PARVG: variants seen among roughly 807,000 people sequenced by gnomAD.
PARVG encodes parvin gamma.
PARVG carries 36 observed loss-of-function variants against 44.4 expected under a neutral mutation model. That is an observed-to-expected ratio of 0.81 (90% CI 0.62 to 1.07). PARVG has a LOEUF of 1.07. Among genes scored for constraint, PARVG ranks in the 50% least tolerant of loss-of-function variants. The probability of loss-of-function intolerance (pLI) is 0.00; values close to 1 mark genes in which losing one functional copy is unlikely to be tolerated. For synonymous variants in PARVG, 170 were observed against 174.1 expected (o/e 0.98, Z 0.19); for missense variants, 407 against 407.4 (o/e 1.00, Z 0.01).
At chr22:44,196,053 TG>T in intron 9 of PARVG, 101 bp from the exon 10 acceptor site, 1 of 1,270,610 alleles carries the variant, frequency 7.9e-7, no homozygotes. Context: ...CAGCTCCCTC[TG>T]GACTGGTTAT....
intron 4 of PARVG, chr22:44,186,445 C>T: frequency 2.4e-6 from 1 of 414,178 alleles, no homozygotes; most frequent in Non-Finnish European, 5.0e-6. Flanking sequence ...CTCCACATGG[C>T]CTCTCTGTTG....
At chr22:44,177,331 C>T (rs1343067949), upstream of PARVG, among the ~76,000 whole-genome samples, 6 of 152,194 alleles carry the variant, frequency 3.9e-5, 1 homozygote, top group Admixed American at 3.3e-4. Flanking sequence ...CATTCTCTTC[C>T]ATAATCTCAG....
intron 4 of PARVG, 86 bp downstream of exon 4, chr22:44,185,958 G>A: frequency 7.4e-7 from 1 of 1,358,686 alleles, no homozygotes; most frequent in Non-Finnish European, 1.0e-6. Flanking sequence ...ACAGCAGGCT[G>A]TCCCCACTCC....
intron 8 of PARVG, 49 bp from the exon 9 acceptor site, chr22:44,193,752 G>A: frequency 6.2e-7 from 1 of 1,604,814 alleles, no homozygotes; most frequent in Non-Finnish European, 8.5e-7. Flanking sequence ...TAGGTTTGCG[G>A]GGTGTTTTTT....
chr22:44,173,179 G>T, exon 1 of PARVG: 1 of 1,267,480 alleles, frequency 7.9e-7, no homozygotes, highest in South Asian at 1.3e-5. Context: ...GGGCAGCAGA[G>T]TCACAGCTGC....
chr22:44,206,406 C>T lies in PARVG; in HGVS notation c.976C>T (p.Pro326Ser). ...HTQKAHRDRT[P>S]HGAPN Reference sequence around the variant, plus strand: ...GCAGAAGGCACACAGGGACAGGACGCCCCATGGAGCCCCGAATTGACCCTC... The same window carrying T: ...GCAGAAGGCACACAGGGACAGGACGTCCCATGGAGCCCCGAATTGACCCTC... Residue 326 changes from proline (P) to serine (S), a missense_variant, in exon 14 of 14, where the codon CCC (proline) becomes TCC (serine). By Grantham distance (74) the Pro-to-Ser change is moderately conservative. Coordinates refer to ENST00000444313, the MANE Select transcript of PARVG (RefSeq NM_022141.7). The T allele has an allele frequency of 1.2e-6, 2 of 1,614,002 alleles. No individual in the cohort carries two copies. Among genetic ancestry groups the T allele is most frequent in the South Asian group, 1.1e-5 (1 of 91,076 alleles).
rs3810623 is a variant in PARVG, at chr22:44,182,759, C to G, written c.-12-559C>G. ...CTGGCCTCTGGGTCTGCCCCTGTCCCGGGCATGTGGTGAGCCCAGCCTTCT... is the reference window on the plus strand; with the variant it reads ...CTGGCCTCTGGGTCTGCCCCTGTCCGGGGCATGTGGTGAGCCCAGCCTTCT... On this transcript the variant is annotated intron_variant, in intron 2 of 13. Coordinates refer to ENST00000444313, the MANE Select transcript of PARVG (RefSeq NM_022141.7). The surrounding 1 kb of genome is among the most constrained non-coding windows in gnomAD (Gnocchi z 4.6). 0.036 allele frequency among the ~76,000 whole-genome samples: 5,456 copies of G among 152,276 alleles called. 264 individuals carry two copies. Among genetic ancestry groups the G allele is most frequent in the Admixed American group, 0.15 (2,366 of 15,292 alleles).
chr22:44,204,753 G>C (rs139180), intron 12 of PARVG, among the ~76,000 whole-genome samples: 36,076 of 152,250 alleles, frequency 0.24, 4,383 homozygotes, highest in African/African-American at 0.27. Flanking sequence ...TGTCCACCCC[G>C]TCTAGTGGAT....
intron 8 of PARVG, among the ~76,000 whole-genome samples, chr22:44,193,221 C>CA (rs5845641): frequency 2.3e-4 from 33 of 146,540 alleles, no homozygotes; most frequent in East Asian, 5.9e-4. Flanking sequence ...AAAACGTGAC[C>CA]AAAAAAAAAA....
intron 3 of PARVG, 99 bp downstream of exon 3, chr22:44,183,507 G>T (rs746552116): frequency 7.5e-5 from 90 of 1,205,020 alleles, no homozygotes; most frequent in Non-Finnish European, 9.8e-5. Context: ...CCAGCTGTCA[G>T]CTGAGCGCCC....
rs202070278 is a variant in PARVG, at chr22:44,197,450, A to G, written c.711+1035A>G. On this transcript the variant is annotated intron_variant, in intron 11 of 13. Transcript: ENST00000444313. ...AAAGTCACACAGTGATAAGTAGTGG[A>G]CCTGGGATTTGAACCCAGGCAGCTG... Among the ~76,000 whole-genome samples, 7 of 152,198 alleles carry G rather than the reference A, an allele frequency of 4.6e-5. No homozygotes were observed. The East Asian group carries it at 1.2e-3, about 25-fold the overall frequency.
chr22:44,176,528 G>A (rs865950772), upstream of PARVG, among the ~76,000 whole-genome samples: 15 of 152,066 alleles, frequency 9.9e-5, no homozygotes, highest in African/African-American at 3.4e-4. Context: ...CACAAACAGC[G>A]TCCACATTTT....
At chr22:44,198,784 G>T in intron 12 of PARVG, 62 bp downstream of exon 12, 5 of 1,300,790 alleles carry the variant, frequency 3.8e-6, no homozygotes, top group Middle Eastern at 1.8e-4. Flanking sequence ...TACAGAACTG[G>T]CATGACCAGT....
intron 12 of PARVG, among the ~76,000 whole-genome samples, chr22:44,199,818 A>G (rs2054681162): frequency 6.6e-6 from 1 of 152,198 alleles, no homozygotes; most frequent in African/African-American, 2.4e-5. Context: ...GGAATGGGTC[A>G]GGGAGGTGTA....
intron 8 of PARVG, among the ~76,000 whole-genome samples, chr22:44,193,255 CA>C: frequency 1.3e-5 from 2 of 152,062 alleles, no homozygotes; most frequent in Middle Eastern, 6.8e-3. Flanking sequence ...TGTTCAAAAA[CA>C]ATAAAAATGG....
chr22:44,189,039 C>A, intron 5 of PARVG, 75 bp from the exon 6 acceptor site: 1 of 1,587,500 alleles, frequency 6.3e-7, no homozygotes, highest in Non-Finnish European at 8.6e-7. Context: ...GCAGGCTCAG[C>A]CTCCTGGAGG....
intron 5 of PARVG, chr22:44,188,606 ATCC>A (rs2054507029): frequency 6.1e-6 from 1 of 163,456 alleles, no homozygotes; most frequent in Non-Finnish European, 1.4e-5. Context: ...GGTGCAGTTC[ATCC>A]TCAGAATAGC....
Position 44,198,698 on chromosome 22 carries a change from CA to C in PARVG, c.790del (p.Thr264LeufsTer19). On this transcript the variant is annotated frameshift_variant, in exon 12 of 14. Coordinates refer to ENST00000444313, the MANE Select transcript of PARVG (RefSeq NM_022141.7). LOFTEE classifies it high-confidence loss of function. ...FFLHLKEFYLTPNSPAEMLHN... is the reference protein window; with the variant it reads ...FFLHLKEFYLXPNSPAEMLHN... ...TCCTGCACTTAAAGGAATTCTACCT[CA>C]CTCCCAACTCTCCTGCAGAAATGGT... 1 of 1,612,698 alleles carries C rather than the reference CA, an allele frequency of 6.2e-7. No homozygotes were observed.
chr22:44,200,007 A>G (rs956965127), intron 12 of PARVG, among the ~76,000 whole-genome samples: 4 of 152,048 alleles, frequency 2.6e-5, no homozygotes, highest in Non-Finnish European at 4.4e-5. Flanking sequence ...AGGTGGGGTG[A>G]GAGGGCAGGT....
Sources: allele counts gnomAD v4.1 joint callset (sites outside exome capture counted in the v4.1 genomes callset), GRCh38; gene constraint gnomAD v4.1.1; non-coding constraint Gnocchi (gnomAD v3.1); transcripts MANE v1.5; gene names NCBI Gene and HGNC (gene_info 2026-07-23, HGNC 2026-07-21).